USP7: variants seen among roughly 807,000 people sequenced by gnomAD.
USP7 encodes the protein ubiquitin specific peptidase 7, also known as ubiquitin C-terminal hydrolase 7.
In USP7, 9 loss-of-function variants were observed where a neutral mutation model predicts 162.9. That is an observed-to-expected ratio of 0.06 (90% CI 0.03 to 0.10). The LOEUF (loss-of-function observed/expected upper bound fraction) is 0.10, where lower values mean the gene tolerates loss of function less well. Ranked by LOEUF, USP7 falls within the 10% of genes least tolerant of loss-of-function variation. The pLI, the probability that USP7 is intolerant of heterozygous loss-of-function variation, is 1.00. For synonymous variants in USP7, 562 were observed against 475.9 expected (o/e 1.18, Z -2.35); for missense variants, 715 against 1,373.7 (o/e 0.52, Z 7.58).
At chr16:8,954,698 G>A (rs555578237) in intron 1 of USP7, among the ~76,000 whole-genome samples, 25 of 152,268 alleles carry the variant, frequency 1.6e-4, no homozygotes, top group African/African-American at 4.3e-4. Context: ...ATTGCAGGCC[G>A]GGCACGGTGG....
intron 10 of USP7, among the ~76,000 whole-genome samples, chr16:8,913,392 G>C (rs893609360): frequency 2.0e-5 from 3 of 151,590 alleles, no homozygotes; most frequent in African/African-American, 4.9e-5. Context: ...GGAGAGAAGA[G>C]AAGTGAAGTG....
chr16:8,952,609 G>A (rs1288643917), intron 1 of USP7, among the ~76,000 whole-genome samples: 5 of 152,000 alleles, frequency 3.3e-5, no homozygotes, highest in Non-Finnish European at 5.9e-5. Context: ...GGCCCACCTG[G>A]GGCATGCAGG....
In USP7 at chr16:8,894,799, C is replaced by T. The variant is rs757836334; in HGVS notation, c.3096G>A (p.Glu1032=). 8 of 1,614,260 alleles carry T rather than the reference C, an allele frequency of 5.0e-6. No homozygotes were observed. The South Asian group carries it at 7.7e-5, about 16-fold the overall frequency. ...AGCTGCACACCTTCTCAAACTCCTT[C>T]TCCTGGATGTCCAGCAGGCTCTGGA... The part of the protein sequence containing the change: ...KRIQSLLDIQ[E]KEFEKFKFAI... Residue 1032 remains glutamate, a synonymous_variant, in exon 29 of 31, where the codon GAG becomes GAA. Coordinates refer to ENST00000344836, the MANE Select transcript of USP7 (RefSeq NM_003470.3).
At chr16:8,956,326 C>T (rs1172489101) in intron 1 of USP7, 3 of 152,182 alleles carry the variant, frequency 2.0e-5, no homozygotes, top group Admixed American at 1.3e-4. Context: ...TGGGCCACAG[C>T]GCTCGCTCCC....
chr16:8,894,470 G>T, intron 30 of USP7, 80 bp downstream of exon 30: 1 of 1,448,112 alleles, frequency 6.9e-7, no homozygotes, highest in Admixed American at 2.1e-5. Flanking sequence ...CTTGACCCTG[G>T]GGCTGCCCCT....
chr16:8,955,556 A>G (rs747678622), intron 1 of USP7, among the ~76,000 whole-genome samples: 1 of 152,100 alleles, frequency 6.6e-6, no homozygotes, highest in Non-Finnish European at 1.5e-5. Flanking sequence ...AATACAAAAA[A>G]TTAGCCGGGC....
At chr16:8,936,617 T>C (rs1171509576) in intron 1 of USP7, 17 of 1,558,286 alleles carry the variant, frequency 1.1e-5, no homozygotes, top group Non-Finnish European at 1.4e-5. Flanking sequence ...CAGCCATCTC[T>C]GCATGGCTCT....
At chr16:8,900,740 C>A in intron 20 of USP7, 110 bp from the exon 21 acceptor site, 1 of 796,136 alleles carries the variant, frequency 1.3e-6, no homozygotes, top group Non-Finnish European at 2.0e-6. Context: ...TTCTATCCAC[C>A]TTTTAAGTTA....
At chr16:8,931,237 G>T (rs941435097) in intron 1 of USP7, among the ~76,000 whole-genome samples, 2 of 150,288 alleles carry the variant, frequency 1.3e-5, no homozygotes, top group African/African-American at 4.9e-5. Context: ...CCCCCAGCCT[G>T]GAGTGCAGTG....
chr16:8,936,587 C>G (rs1382390), intron 1 of USP7: 1,540,071 of 1,545,480 alleles, frequency 1, 767,474 homozygotes, highest in Non-Finnish European at 1. Context: ...ACTCACCTTC[C>G]AGCCCAAGCC....
intron 5 of USP7, among the ~76,000 whole-genome samples, chr16:8,919,741 C>T (rs1280109426): frequency 1.3e-5 from 2 of 150,736 alleles, no homozygotes; most frequent in Non-Finnish European, 3.0e-5. Context: ...CAAAGCAATC[C>T]TCCCACCTCC....
At chr16:8,929,410 G>A (rs940743944) in intron 2 of USP7, 8 of 449,878 alleles carry the variant, frequency 1.8e-5, no homozygotes, top group Non-Finnish European at 3.1e-5. Context: ...GGGGTAAACC[G>A]CACTGTGAGA....
chr16:8,893,112 AT>A lies in USP7; in HGVS notation c.*885del, dbSNP rs1263273413. ...TGTTCATTCATTAAATATACAATTC[AT>A]TTTTCCTTTTTTTTTCATTTTTAAC... On this transcript the variant is annotated 3_prime_UTR_variant, in exon 31 of 31. Coordinates refer to ENST00000344836, the MANE Select transcript of USP7 (RefSeq NM_003470.3). 6.6e-6 allele frequency: 1 copy of A among 152,078 alleles called. No individual in the cohort carries two copies. Among genetic ancestry groups the A allele is most frequent in the Non-Finnish European group, 1.5e-5 (1 of 68,020 alleles). 9.4% of individuals were successfully genotyped at this position (152,078 alleles called of 1,614,324 possible). A position where few individuals can be genotyped will look rare whatever the true frequency, so the allele number is the denominator to read the frequency against.
chr16:8,962,263 CGTAG>C (rs1396459038), intron 1 of USP7, among the ~76,000 whole-genome samples: 2 of 152,176 alleles, frequency 1.3e-5, no homozygotes, highest in African/African-American at 4.8e-5. Flanking sequence ...GAACTCGTCA[CGTAG>C]GTAAGAAAAC....
chr16:8,928,146 A>G (rs996058035), intron 2 of USP7, among the ~76,000 whole-genome samples: 2 of 152,236 alleles, frequency 1.3e-5, no homozygotes, highest in South Asian at 2.1e-4. Context: ...TCAACTATAC[A>G]TGTCTCCCAT....
chr16:8,930,709 CTG>C (rs1322347428), intron 1 of USP7, among the ~76,000 whole-genome samples: 2 of 152,136 alleles, frequency 1.3e-5, no homozygotes, highest in African/African-American at 4.8e-5. Context: ...TGGCTCATGC[CTG>C]TAATCCTAGC....
intron 1 of USP7, among the ~76,000 whole-genome samples, chr16:8,961,659 T>C (rs1262995616): frequency 1.3e-5 from 2 of 152,108 alleles, no homozygotes; most frequent in African/African-American, 4.8e-5. Flanking sequence ...TCATGGGAAA[T>C]CCATATGCTC....
intron 6 of USP7, among the ~76,000 whole-genome samples, chr16:8,918,806 C>T (rs750397843): frequency 1.3e-4 from 20 of 152,162 alleles, no homozygotes; most frequent in Admixed American, 2.0e-4. Flanking sequence ...AAGACTCCAT[C>T]TCAATAAAGA....
chr16:8,962,461 A>G (rs1336264959), intron 1 of USP7: 1 of 449,302 alleles, frequency 2.2e-6, no homozygotes. Context: ...CCACATCGGC[A>G]GAAAACCGAG....
Sources: gnomAD v4.1 joint callset for allele counts (sites outside exome capture counted in the v4.1 genomes callset) on GRCh38, gnomAD v4.1.1 for gene constraint, MANE v1.5 for transcripts, NCBI Gene and HGNC (gene_info 2026-07-23, HGNC 2026-07-21) for gene names.